The following PTCH1 variants were observed in gnomAD, a reference collection of about 807,000 sequenced individuals.
The protein encoded by PTCH1 is patched 1.
In PTCH1, 14 loss-of-function variants were observed where a neutral mutation model predicts 144.6. That is an observed-to-expected ratio of 0.10 (90% confidence interval 0.06 to 0.15). PTCH1 has a LOEUF of 0.15. PTCH1 is among the 10% of genes least tolerant of loss of function. The pLI, the probability that PTCH1 is intolerant of heterozygous loss-of-function variation, is 1.00. For synonymous variants in PTCH1, 833 were observed against 793.6 expected (o/e 1.05, Z -0.83); for missense variants, 1,623 against 1,948.3 (o/e 0.83, Z 3.14).
At chr9:95,496,187 A>G (rs1193269353) in intron 2 of PTCH1, among the ~76,000 whole-genome samples, 1 of 152,218 alleles carries the variant, frequency 6.6e-6, no homozygotes. Flanking sequence ...CCATATGTAT[A>G]GCTGCTCGGT....
At chr9:95,477,833 C>G in intron 9 of PTCH1, 131 bp from the exon 10 acceptor site, 1 of 1,467,314 alleles carries the variant, frequency 6.8e-7, no homozygotes, top group Non-Finnish European at 9.3e-7. Flanking sequence ...AACTTTACAT[C>G]AAGGGCGTCA....
At chr9:95,477,946 T>A in intron 9 of PTCH1, 109 bp downstream of exon 9, 2 of 1,570,512 alleles carry the variant, frequency 1.3e-6, no homozygotes, top group East Asian at 4.5e-5. Flanking sequence ...CTGTCCTGGA[T>A]GCACATCGAT....
At chr9:95,507,723 AG>A (rs2118899561) in intron 1 of PTCH1, 1 of 184,574 alleles carries the variant, frequency 5.4e-6, no homozygotes, top group East Asian at 1.8e-4. Context: ...TCCCCCTCCA[AG>A]ATGTTAAGAA....
intron 20 of PTCH1, chr9:95,452,558 C>T (rs1838554466): frequency 6.6e-6 from 1 of 152,246 alleles, no homozygotes; most frequent in South Asian, 2.1e-4. Flanking sequence ...GTTTCCTCCT[C>T]TGCAGTTCTC....
chr9:95,497,467 G>A (rs1842866082), intron 2 of PTCH1, among the ~76,000 whole-genome samples: 1 of 147,650 alleles, frequency 6.8e-6, no homozygotes, highest in East Asian at 2.0e-4. Context: ...CAGAACACCA[G>A]ACTGGCTTTG....
upstream of PTCH1, among the ~76,000 whole-genome samples, chr9:95,511,119 C>T (rs1038372294): frequency 2.2e-3 from 325 of 149,758 alleles, no homozygotes; most frequent in African/African-American, 7.2e-3. Flanking sequence ...GCCCATTCAG[C>T]GGCCCCGCGC....
At chr9:95,460,137 C>T (rs758499325) in intron 16 of PTCH1, among the ~76,000 whole-genome samples, 7 of 152,286 alleles carry the variant, frequency 4.6e-5, no homozygotes, top group Non-Finnish European at 8.8e-5. Context: ...GGCAAGAATC[C>T]CCATGCACGT....
intron 4 of PTCH1, 40 bp downstream of exon 4, chr9:95,482,094 G>C (rs2118470141): frequency 6.2e-7 from 1 of 1,610,604 alleles, no homozygotes; most frequent in Non-Finnish European, 8.5e-7. Flanking sequence ...CACTACTGGG[G>C]TGTTCCTGAG....
At chr9:95,493,189 G>C (rs1018798090) in intron 2 of PTCH1, among the ~76,000 whole-genome samples, 2 of 152,186 alleles carry the variant, frequency 1.3e-5, no homozygotes, top group African/African-American at 4.8e-5. Context: ...CTGTAGACAA[G>C]AGATGTTTCC....
intron 22 of PTCH1, among the ~76,000 whole-genome samples, chr9:95,448,289 C>T (rs954734280): frequency 6.6e-6 from 1 of 152,166 alleles, no homozygotes; most frequent in African/African-American, 2.4e-5. Context: ...CTCTCTTTCA[C>T]GGAAGGGCTG....
intron 2 of PTCH1, among the ~76,000 whole-genome samples, chr9:95,504,879 T>C (rs931276889): frequency 1.4e-4 from 21 of 152,222 alleles, no homozygotes; most frequent in Admixed American, 1.4e-3. Flanking sequence ...GAGTCTCTTA[T>C]GGTGCTTAAC....
rs548082230 is a variant in PTCH1, at chr9:95,445,638, C to T, written c.*755G>A. The T allele has an allele frequency of 2.0e-5, 3 of 151,032 alleles. No individual in the cohort carries two copies. The highest frequency in any genetic ancestry group is 7.3e-5 in the African/African-American group (3 of 41,340). The allele number at this position is 151,032 out of a possible 1,614,324, so 9.4% of individuals were successfully genotyped here. The stretch of plus-strand genomic sequence containing the variant: ...GTGGATGTTTAGGGCCAGCCCTCAC[C>T]AGCACGAAGAAAAGATATCCTGACG... On this transcript the variant is annotated 3_prime_UTR_variant, in exon 24 of 24. Transcript: ENST00000331920.
At chr9:95,457,597 C>T (rs1158695463) in intron 18 of PTCH1, among the ~76,000 whole-genome samples, 1 of 152,196 alleles carries the variant, frequency 6.6e-6, no homozygotes, top group East Asian at 1.9e-4. Flanking sequence ...CTCCATATAT[C>T]ACTCTCCTAA....
At chr9:95,488,577 C>T (rs1842154353) in intron 2 of PTCH1, among the ~76,000 whole-genome samples, 1 of 120,622 alleles carries the variant, frequency 8.3e-6, no homozygotes, top group South Asian at 2.6e-4. Flanking sequence ...TGACCAATAG[C>T]TGTAACATGA....
chr9:95,465,300 A>G (rs929592458), intron 15 of PTCH1, among the ~76,000 whole-genome samples: 1 of 152,178 alleles, frequency 6.6e-6, no homozygotes, highest in Non-Finnish European at 1.5e-5. Context: ...TTCTCTGCTC[A>G]CAGACTGGCA....
chr9:95,500,800 T>C (rs1340790654), intron 2 of PTCH1, among the ~76,000 whole-genome samples: 1 of 152,206 alleles, frequency 6.6e-6, no homozygotes, highest in Admixed American at 6.5e-5. Flanking sequence ...TGGTGTCTTC[T>C]ATTAAAGCTT....
intron 12 of PTCH1, among the ~76,000 whole-genome samples, chr9:95,471,123 C>T (rs1008117269): frequency 5.9e-5 from 9 of 151,866 alleles, no homozygotes; most frequent in Admixed American, 3.3e-4. Context: ...AAATAAAAAA[C>T]GAGGCTTCTC....
intron 18 of PTCH1, among the ~76,000 whole-genome samples, chr9:95,456,996 C>T (rs1334480551): frequency 6.6e-6 from 1 of 152,152 alleles, no homozygotes; most frequent in Non-Finnish European, 1.5e-5. Context: ...CATCAGCTGA[C>T]GCTGTCAGGT....
At position 95,446,369 on chromosome 9, in the gene PTCH1, CTT is replaced by C. The variant is rs1837885946; in HGVS notation, c.*22_*23del. 1 of 518,522 alleles carries C rather than the reference CTT, an allele frequency of 1.9e-6. No individual in the cohort carries two copies. The highest frequency in any genetic ancestry group is 1.9e-5 in the Admixed American group (1 of 51,552). 32.1% of individuals were successfully genotyped at this position (518,522 alleles called of 1,614,324 possible). On this transcript the variant is annotated 3_prime_UTR_variant, in exon 24 of 24. Transcript: ENST00000331920. ...GTGGGGGGTTTCCAATCTTTGGCCT[CTT>C]TGCTTCAGATTTTAATCACCCTTTA... is the stretch of plus-strand genomic sequence containing the variant.
Sources: allele counts gnomAD v4.1 joint callset (sites outside exome capture counted in the v4.1 genomes callset), GRCh38; gene constraint gnomAD v4.1.1; transcripts MANE v1.5; gene names NCBI Gene and HGNC (gene_info 2026-07-23, HGNC 2026-07-21).